TMEM216: variants seen among roughly 807,000 people sequenced by gnomAD.
The protein encoded by TMEM216 is transmembrane protein 216, also known as cerebello-oculo-renal syndrome 2.
TMEM216 carries 15 observed loss-of-function variants against 17.8 expected under a neutral mutation model. The observed-to-expected ratio is 0.84, with a 90% CI of 0.56 to 1.30. The LOEUF is 1.30. Among genes scored for constraint, TMEM216 ranks in the 50% most tolerant of loss-of-function variants. TMEM216 has a pLI of 0.00. For missense variants in TMEM216, 160 were observed against 175.7 expected (o/e 0.91, Z 0.51); for synonymous variants, 58 against 73.5 (o/e 0.79, Z 1.08).
intron 1 of TMEM216, 42 bp from the exon 2 acceptor site, chr11:61,393,189 C>A: frequency 7.0e-7 from 1 of 1,436,914 alleles, no homozygotes; most frequent in Admixed American, 2.0e-5. Flanking sequence ...AGAGAGGGAG[C>A]TGCCTTCCGG....
intron 1 of TMEM216, 59 bp downstream of exon 1, chr11:61,392,724 C>T (rs1858702152): frequency 3.9e-6 from 6 of 1,535,836 alleles, no homozygotes; most frequent in South Asian, 2.4e-5. Flanking sequence ...CTCCCTCCCA[C>T]CTCTGTCCCA....
In TMEM216 at chr11:61,398,268, A is replaced by G. The variant is rs1241463644; in HGVS notation, c.432-2A>G. 1 of 1,611,846 alleles carries G rather than the reference A, an allele frequency of 6.2e-7. No homozygotes were observed. Among genetic ancestry groups the G allele is most frequent in the Non-Finnish European group, 8.5e-7 (1 of 1,178,768 alleles). The stretch of plus-strand genomic sequence containing the variant: ...TCTTTCTTTCTGCCATCGTATGGAC[A>G]GGATTTGAAGTACAGAATTTCAGCC... On this transcript the variant is annotated splice_acceptor_variant, in intron 4 of 4. Coordinates refer to ENST00000515837, the MANE Select transcript of TMEM216 (RefSeq NM_001173990.3). LOFTEE classifies it high-confidence loss of function.
rs1215892332 is a variant in TMEM216 at position 61,393,947 on chromosome 11, T to C, written c.200T>C (p.Leu67Pro). ...GATGTGGTGATGCTCCTCCTTTATC[T>C]TGGAATTGAAGTAATTCGCCTGTTT... is the stretch of plus-strand genomic sequence containing the variant. The part of the protein sequence containing the change: ...VLDVVMLLLY[L>P]GIEVIRLFFG... Residue 67 changes from leucine (L) to proline (P), a missense_variant, in exon 3 of 5, where the codon CTT becomes CCT. Physicochemically the swap from Leu to Pro is moderately conservative, Grantham distance 98 (BLOSUM62 -3). Coordinates refer to ENST00000515837, the MANE Select transcript of TMEM216 (RefSeq NM_001173990.3). 1 of 1,614,026 alleles carries C rather than the reference T, an allele frequency of 6.2e-7. No homozygotes were observed. Among genetic ancestry groups the C allele is most frequent in the Non-Finnish European group, 8.5e-7 (1 of 1,179,874 alleles).
Position 61,398,433 on chromosome 11 carries a change from A to C in TMEM216, c.*157A>C. 1 of 718,222 alleles carries C rather than the reference A, an allele frequency of 1.4e-6. No individual in the cohort carries two copies. Among genetic ancestry groups the C allele is most frequent in the Non-Finnish European group, 2.3e-6 (1 of 429,066 alleles). The allele number at this position is 718,222 out of a possible 1,614,324, so 44.5% of individuals were successfully genotyped here. A position where few individuals can be genotyped will look rare whatever the true frequency, so the allele number is the denominator to read the frequency against. ...ACATTTGGGCAAGCAACTCAGCATA[A>C]GGCCAGTGGGTACCATCTTCTAAAC... On this transcript the variant is annotated 3_prime_UTR_variant, in exon 5 of 5. Coordinates refer to ENST00000515837, the MANE Select transcript of TMEM216 (RefSeq NM_001173990.3).
chr11:61,396,335 T>C (rs1012151394), intron 3 of TMEM216, among the ~76,000 whole-genome samples: 1 of 151,820 alleles, frequency 6.6e-6, no homozygotes, highest in Non-Finnish European at 1.5e-5. Context: ...AAAAATTAGC[T>C]GGGTGTGGTG....
At chr11:61,394,375 GTTT>G in intron 3 of TMEM216, 1 of 147,988 alleles carries the variant, frequency 6.8e-6, no homozygotes, top group South Asian at 2.1e-4. Flanking sequence ...GGAGTTTTTT[GTTT>G]TTTTTTTTTG....
In TMEM216 at chr11:61,393,804, C is replaced by G. The variant is rs186219442; in HGVS notation, c.137-80C>G. On this transcript the variant is annotated intron_variant, in intron 2 of 4. Coordinates refer to ENST00000515837, the MANE Select transcript of TMEM216 (RefSeq NM_001173990.3). Reference sequence around the variant, plus strand: ...GTTCATGGAAAGCTGAGACTGATGTCCTCTTTTTTCCCAAGTGTGTGGCAG... The same window carrying G: ...GTTCATGGAAAGCTGAGACTGATGTGCTCTTTTTTCCCAAGTGTGTGGCAG... 33 of 1,064,076 alleles carry G rather than the reference C, an allele frequency of 3.1e-5. No homozygotes were observed. In the African/African-American group the frequency reaches 3.8e-4, roughly 12 times the overall value. The allele number at this position is 1,064,076 out of a possible 1,614,324, so 65.9% of individuals were successfully genotyped here.
rs752216307 is a variant in TMEM216, at chr11:61,397,888, G to T, written c.344G>T (p.Arg115Leu). ...YYLLLQTYVLRLEAIMNGILL... is the reference protein window; with the variant it reads ...YYLLLQTYVLLLEAIMNGILL... ...CTGCTGCTGCAGACCTACGTACTCC[G>T]CCTGGAAGCCATCATGAATGGCATC... Residue 115 changes from arginine to leucine, a missense_variant, in exon 4 of 5, where the codon CGC becomes CTC. Coordinates refer to ENST00000515837, the MANE Select transcript of TMEM216 (RefSeq NM_001173990.3). 4 of 1,613,972 alleles carry T rather than the reference G, an allele frequency of 2.5e-6. No individual in the cohort carries two copies. The highest frequency in any genetic ancestry group is 2.2e-5 in the East Asian group (1 of 44,888).
chr11:61,392,980 G>T (rs180866310), intron 1 of TMEM216: 1 of 713,618 alleles, frequency 1.4e-6, no homozygotes, highest in Non-Finnish European at 1.7e-6. Context: ...TGTCAGCTGC[G>T]AGTTACCTCT....
At chr11:61,396,972 ATGTT>A (rs1182758745) in intron 3 of TMEM216, among the ~76,000 whole-genome samples, 1 of 151,900 alleles carries the variant, frequency 6.6e-6, no homozygotes, top group Non-Finnish European at 1.5e-5. Context: ...GTGTGGAAAA[ATGTT>A]TGTGGGGGAA....
At chr11:61,398,215 G>A (rs1383227488) in intron 4 of TMEM216, 55 bp from the exon 5 acceptor site, 3 of 1,599,810 alleles carry the variant, frequency 1.9e-6, no homozygotes. Flanking sequence ...GAGGCCAGCT[G>A]CTCTCATTCA....
intron 3 of TMEM216, among the ~76,000 whole-genome samples, chr11:61,397,017 G>T (rs1337228410): frequency 6.6e-6 from 1 of 151,846 alleles, no homozygotes; most frequent in Non-Finnish European, 1.5e-5. Flanking sequence ...TGTAGGGTAT[G>T]CTTCTATTTT....
intron 3 of TMEM216, among the ~76,000 whole-genome samples, chr11:61,396,152 C>T (rs1208706157): frequency 4.6e-5 from 7 of 152,184 alleles, no homozygotes; most frequent in East Asian, 3.8e-4. Flanking sequence ...AAATCAGTTA[C>T]GGCACTGATT....
At position 61,398,265 on chromosome 11, in the gene TMEM216, G is replaced by T; in HGVS notation, c.432-5G>T. 6.2e-7 allele frequency: 1 copy of T among 1,611,888 alleles called. No individual in the cohort carries two copies. Among genetic ancestry groups the T allele is most frequent in the Non-Finnish European group, 8.5e-7 (1 of 1,178,736 alleles). On this transcript the variant is annotated splice_polypyrimidine_tract_variant and splice_region_variant and intron_variant, in intron 4 of 4. Transcript: ENST00000515837. ...TTTTCTTTCTTTCTGCCATCGTATG[G>T]ACAGGATTTGAAGTACAGAATTTCA...
chr11:61,392,887 G>A, intron 1 of TMEM216: 3 of 985,400 alleles, frequency 3.0e-6, no homozygotes, highest in Non-Finnish European at 3.6e-6. Context: ...GCCACTTCTA[G>A]GCTGGCTCAG....
At chr11:61,394,181 G>C in intron 3 of TMEM216, 1 of 545,960 alleles carries the variant, frequency 1.8e-6, no homozygotes, top group Non-Finnish European at 3.3e-6. Context: ...CTAGAGATGG[G>C]CAATAGAATG....
At chr11:61,396,459 G>A (rs1445773713) in intron 3 of TMEM216, among the ~76,000 whole-genome samples, 2 of 150,916 alleles carry the variant, frequency 1.3e-5, no homozygotes, top group African/African-American at 4.9e-5. Context: ...AGCCTGGCGA[G>A]AGAGCTAGAC....
In TMEM216 at chr11:61,393,937, C is replaced by T. The variant is rs1220004097; in HGVS notation, c.190C>T (p.Leu64Phe). The T allele has an allele frequency of 3.1e-6, 5 of 1,614,000 alleles. No individual in the cohort carries two copies. Among genetic ancestry groups the T allele is most frequent in the South Asian group, 2.2e-5 (2 of 91,088 alleles). ...CCTAGTACTGGATGTGGTGATGCTC[C>T]TCCTTTATCTTGGAATTGAAGTAAT... The part of the protein sequence containing the change: ...ANLVLDVVML[L>F]LYLGIEVIRL... The change falls in exon 3 of 5, where the codon CTC becomes TTC. Residue 64 changes from leucine (L) to phenylalanine (F), a missense_variant. Transcript: ENST00000515837.
chr11:61,393,813 T>TC, intron 2 of TMEM216, 71 bp from the exon 3 acceptor site: 1 of 1,219,128 alleles, frequency 8.2e-7, no homozygotes, highest in Non-Finnish European at 1.2e-6. Flanking sequence ...TCCTCTTTTT[T>TC]CCCAAGTGTG....
Sources: gnomAD v4.1 joint callset for allele counts (sites outside exome capture counted in the v4.1 genomes callset) on GRCh38, gnomAD v4.1.1 for gene constraint, MANE v1.5 for transcripts, NCBI Gene and HGNC (gene_info 2026-07-23, HGNC 2026-07-21) for gene names.